Variants in ZBTB20 observed in about 807,000 individuals in gnomAD.
ZBTB20 encodes the protein zinc finger and BTB domain containing 20, also known as zinc finger and BTB domain-containing protein 20.
Under a neutral mutation model 56.9 loss-of-function variants are expected in ZBTB20, and 9 were observed. The ratio of observed to expected loss-of-function variants is 0.16; its 90% CI spans 0.10 to 0.28. The LOEUF (loss-of-function observed/expected upper bound fraction) is 0.28. Among genes scored for constraint, ZBTB20 ranks in the 10% least tolerant of loss-of-function variants. ZBTB20 has a pLI of 1.00. For missense variants in ZBTB20, 655 were observed against 1,003.0 expected (o/e 0.65, Z 4.69); for synonymous variants, 417 against 420.7 (o/e 0.99, Z 0.11).
chr3:114,547,287 TA>T (rs1052448832), intron 6 of ZBTB20, among the ~76,000 whole-genome samples: 1 of 152,076 alleles, frequency 6.6e-6, no homozygotes, highest in African/African-American at 2.4e-5. Flanking sequence ...CCTAGATGCT[TA>T]AAAAAATTGT....
chr3:114,978,975 A>G (rs912637406), intron 2 of ZBTB20, among the ~76,000 whole-genome samples: 1 of 151,880 alleles, frequency 6.6e-6, no homozygotes, highest in Non-Finnish European at 1.5e-5. Context: ...TTTTAACTGC[A>G]TAGATTTTTT....
chr3:114,934,452 G>C (rs1338415118), intron 3 of ZBTB20, among the ~76,000 whole-genome samples: 1 of 151,910 alleles, frequency 6.6e-6, no homozygotes, highest in South Asian at 2.1e-4. Context: ...TCCAAATCAG[G>C]TATTTGCCTT....
At chr3:115,048,115 C>T (rs1012667431) in intron 2 of ZBTB20, among the ~76,000 whole-genome samples, 1 of 151,896 alleles carries the variant, frequency 6.6e-6, no homozygotes, top group African/African-American at 2.4e-5. Context: ...GTCCCAGCTA[C>T]TTGGGAGGCT....
chr3:114,985,395 G>C (rs2078495164), intron 2 of ZBTB20, among the ~76,000 whole-genome samples: 1 of 152,026 alleles, frequency 6.6e-6, no homozygotes, highest in African/African-American at 2.4e-5. Context: ...CCATTTAAGA[G>C]ATAGGTCCAA....
chr3:114,868,691 G>GA (rs1325984688), intron 4 of ZBTB20, among the ~76,000 whole-genome samples: 1 of 152,126 alleles, frequency 6.6e-6, no homozygotes, highest in Admixed American at 6.6e-5. Flanking sequence ...ATGATCAATG[G>GA]AAAAGGACAT....
At chr3:115,129,894 C>G (rs769998029) in intron 1 of ZBTB20, among the ~76,000 whole-genome samples, 6 of 152,184 alleles carry the variant, frequency 3.9e-5, no homozygotes, top group Non-Finnish European at 8.8e-5. Flanking sequence ...TTCCACTCTT[C>G]TATCTGTTGG....
intron 6 of ZBTB20, among the ~76,000 whole-genome samples, chr3:114,633,543 C>T (rs1306635545): frequency 6.6e-6 from 1 of 152,132 alleles, no homozygotes; most frequent in Non-Finnish European, 1.5e-5. Context: ...GAAACTGTAA[C>T]ATACAAAGGA....
intron 5 of ZBTB20, among the ~76,000 whole-genome samples, chr3:114,746,913 A>G (rs2067085834): frequency 6.6e-6 from 1 of 152,216 alleles, no homozygotes; most frequent in Non-Finnish European, 1.5e-5. Flanking sequence ...TGCAAACGTT[A>G]AAATTCACCA....
intron 7 of ZBTB20, among the ~76,000 whole-genome samples, chr3:114,425,763 A>C (rs939480782): frequency 6.6e-6 from 1 of 152,154 alleles, no homozygotes; most frequent in Non-Finnish European, 1.5e-5. Flanking sequence ...TCTTCAGAAT[A>C]TCTCTACTTA....
rs1013517114 is a variant in ZBTB20, at chr3:114,942,707, T to C, written c.-456+31659A>G. Among the ~76,000 whole-genome samples, 11 of 146,110 alleles carry C rather than the reference T, an allele frequency of 7.5e-5. 2 individuals are homozygous for C. Among genetic ancestry groups the C allele is most frequent in the African/African-American group, 3.1e-4 (11 of 36,024 alleles). On this transcript the variant is annotated intron_variant, in intron 3 of 11. Coordinates refer to ENST00000675478, the MANE Select transcript of ZBTB20 (RefSeq NM_001348800.3). ...AAAGTAATTTCAATTTAAAACTCAA[T>C]AGTCTATAAAGGAAGTAAACACGTT...
chr3:114,619,159 T>G (rs1053716988), intron 6 of ZBTB20, among the ~76,000 whole-genome samples: 1 of 152,160 alleles, frequency 6.6e-6, no homozygotes, highest in African/African-American at 2.4e-5. Context: ...AATGGAGATG[T>G]TCTCCATTAG....
chr3:114,558,510 T>C (rs1225735605), intron 6 of ZBTB20, among the ~76,000 whole-genome samples: 1 of 152,030 alleles, frequency 6.6e-6, no homozygotes, highest in Non-Finnish European at 1.5e-5. Context: ...CATGAATCAG[T>C]TTCTGTTCTC....
chr3:114,953,635 A>G (rs1209238007), intron 3 of ZBTB20, among the ~76,000 whole-genome samples: 1 of 152,076 alleles, frequency 6.6e-6, no homozygotes, highest in Non-Finnish European at 1.5e-5. Context: ...TATAATGTTG[A>G]AGAGTTAATT....
chr3:115,084,941 T>C (rs1478492507), intron 1 of ZBTB20, among the ~76,000 whole-genome samples: 1 of 152,038 alleles, frequency 6.6e-6, no homozygotes, highest in Non-Finnish European at 1.5e-5. Context: ...GCTAATAAGC[T>C]GAGACTTACT....
intron 5 of ZBTB20, chr3:114,743,746 G>A (rs912809003): frequency 6.5e-6 from 1 of 153,220 alleles, no homozygotes; most frequent in Non-Finnish European, 1.5e-5. Flanking sequence ...ACCTCCAGCT[G>A]ACTCTGATGT....
At chr3:114,951,009 T>G (rs1226800297) in intron 3 of ZBTB20, among the ~76,000 whole-genome samples, 2 of 152,106 alleles carry the variant, frequency 1.3e-5, no homozygotes, top group African/African-American at 4.8e-5. Context: ...GAAGTCATGA[T>G]AGTGGTTATC....
At chr3:114,578,706 T>C (rs139824110) in intron 6 of ZBTB20, among the ~76,000 whole-genome samples, 1,824 of 151,834 alleles carry the variant, frequency 0.012, 38 homozygotes, top group South Asian at 0.071. Context: ...CCAGATAAAT[T>C]GCTATTTAAG....
At chr3:114,900,955 C>A (rs1437156924) in intron 3 of ZBTB20, among the ~76,000 whole-genome samples, 1 of 152,138 alleles carries the variant, frequency 6.6e-6, no homozygotes, top group East Asian at 1.9e-4. Flanking sequence ...CACACTTTGA[C>A]AAAACTGCCA....
At chr3:114,702,993 T>C (rs891304668) in intron 5 of ZBTB20, among the ~76,000 whole-genome samples, 1 of 151,080 alleles carries the variant, frequency 6.6e-6, no homozygotes, top group Non-Finnish European at 1.5e-5. Flanking sequence ...CTTACACAAA[T>C]TTGTGTGTGT....
Sources: allele counts gnomAD v4.1 joint callset (sites outside exome capture counted in the v4.1 genomes callset), GRCh38; gene constraint gnomAD v4.1.1; transcripts MANE v1.5; gene names NCBI Gene and HGNC (gene_info 2026-07-23, HGNC 2026-07-21).